Variants in CCDC171 observed in about 807,000 individuals in gnomAD.
The protein encoded by CCDC171 is coiled-coil domain-containing protein 171.
CCDC171 carries 177 observed loss-of-function variants against 168.2 expected under a neutral mutation model. The observed-to-expected ratio is 1.05, with a 90% CI of 0.93 to 1.19. The LOEUF (loss-of-function observed/expected upper bound fraction) is 1.19, where lower values mean the gene tolerates loss of function less well. Among genes scored for constraint, CCDC171 ranks in the 50% most tolerant of loss-of-function variants. The pLI, the probability that CCDC171 is intolerant of heterozygous loss-of-function variation, is 0.00. For synonymous variants in CCDC171, 687 were observed against 540.8 expected, an observed-to-expected ratio of 1.27 and a Z score of -3.75; for missense variants, 1,991 against 1,539.0, an observed-to-expected ratio of 1.29 and a Z score of -4.91.
At chr9:15,924,438 G>C (rs1825675933) in intron 25 of CCDC171, among the ~76,000 whole-genome samples, 1 of 96,588 alleles carries the variant, frequency 1.0e-5, no homozygotes, top group Non-Finnish European at 2.0e-5. Context: ...CTCACACTTA[G>C]TCAAAAAAAA....
At chr9:16,053,423 G>A (rs1376131724) in intron 1 of CCDC171, among the ~76,000 whole-genome samples, 2 of 152,220 alleles carry the variant, frequency 1.3e-5, no homozygotes, top group Non-Finnish European at 2.9e-5. Context: ...GGCAAGTAAG[G>A]GCTCACATGT....
intron 21 of CCDC171, among the ~76,000 whole-genome samples, chr9:15,837,410 T>A (rs2136320984): frequency 6.6e-6 from 1 of 152,346 alleles, no homozygotes; most frequent in Non-Finnish European, 1.5e-5. Context: ...TACTATTTAC[T>A]GAGTATGTAT....
chr9:15,592,640 G>A (rs904779075), intron 5 of CCDC171, among the ~76,000 whole-genome samples: 1 of 152,134 alleles, frequency 6.6e-6, no homozygotes, highest in Non-Finnish European at 1.5e-5. Flanking sequence ...CCATTAGTGT[G>A]TGAATGGGGG....
intron 25 of CCDC171, among the ~76,000 whole-genome samples, chr9:15,960,442 T>A (rs890335073): frequency 5.9e-5 from 9 of 152,196 alleles, no homozygotes; most frequent in Non-Finnish European, 1.3e-4. Context: ...TCTTTATGCA[T>A]TATGCAAGCA....
At chr9:15,841,324 T>C (rs1427315740) in intron 21 of CCDC171, among the ~76,000 whole-genome samples, 1 of 152,054 alleles carries the variant, frequency 6.6e-6, no homozygotes, top group Non-Finnish European at 1.5e-5. Context: ...TTGTCATATA[T>C]AGGTGGAGAT....
intron 6 of CCDC171, among the ~76,000 whole-genome samples, chr9:15,597,149 C>T (rs1301994936): frequency 1.3e-5 from 2 of 151,906 alleles, no homozygotes; most frequent in Non-Finnish European, 2.9e-5. Flanking sequence ...CCTTCTCCTG[C>T]CCGATTGCCC....
chr9:15,649,306 G>C (rs201198099), intron 7 of CCDC171, among the ~76,000 whole-genome samples: 16 of 152,148 alleles, frequency 1.1e-4, no homozygotes, highest in East Asian at 1.9e-4. Flanking sequence ...TAGAAGAAAA[G>C]CTAGGCAATA....
At chr9:15,578,171 T>C (rs2040822866) in intron 3 of CCDC171, among the ~76,000 whole-genome samples, 1 of 152,032 alleles carries the variant, frequency 6.6e-6, no homozygotes. Context: ...GAATGAATTT[T>C]TAAGTGCTTA....
intron 24 of CCDC171, among the ~76,000 whole-genome samples, chr9:15,906,395 G>A (rs934188624): frequency 1.3e-5 from 2 of 152,074 alleles, no homozygotes; most frequent in African/African-American, 4.8e-5. Flanking sequence ...ACGTAATCCA[G>A]CATATAAAAG....
chr9:16,098,492 A>G, the CCDC171 span, among the ~76,000 whole-genome samples: 3 of 152,098 alleles, frequency 2.0e-5, no homozygotes, highest in Non-Finnish European at 2.9e-5. Context: ...TTTGGTCCAC[A>G]CTCTTGAGTG....
chr9:15,948,053 C>G (rs1828642375), intron 25 of CCDC171, among the ~76,000 whole-genome samples: 1 of 150,694 alleles, frequency 6.6e-6, no homozygotes, highest in African/African-American at 2.4e-5. Flanking sequence ...TCAATTCCCA[C>G]CTATGAGTGA....
intron 7 of CCDC171, among the ~76,000 whole-genome samples, chr9:15,639,006 C>A (rs1206579402): frequency 1.3e-5 from 2 of 151,990 alleles, no homozygotes; most frequent in East Asian, 3.8e-4. Flanking sequence ...AGAGAACAGT[C>A]TTTGCAAATA....
At chr9:15,750,247 C>A (rs1022651106) in intron 18 of CCDC171, among the ~76,000 whole-genome samples, 4 of 152,210 alleles carry the variant, frequency 2.6e-5, no homozygotes, top group South Asian at 2.1e-4. Flanking sequence ...TGGACACATA[C>A]ACCCTCCCAA....
chr9:15,985,223 C>A (rs60418791), intron 3 of CCDC171, among the ~76,000 whole-genome samples: 2,723 of 152,206 alleles, frequency 0.018, 98 homozygotes, highest in African/African-American at 0.063. Context: ...AATAACCTTA[C>A]TTGAGTAATA....
In CCDC171 at chr9:16,050,353, G is replaced by T. The variant is rs552999432; in HGVS notation, n.89+7467G>T. On this transcript the variant is annotated intron_variant and non_coding_transcript_variant, in intron 1 of 1. Transcript: ENST00000478913. Reference sequence around the variant, plus strand: ...CAATCGCCAAGCAATAATCCAGTTTGTGAATGGACAGCATATACTTTCAAA... The same window carrying T: ...CAATCGCCAAGCAATAATCCAGTTTTTGAATGGACAGCATATACTTTCAAA... Among the ~76,000 whole-genome samples, 6 of 152,360 alleles carry T rather than the reference G, an allele frequency of 3.9e-5. No homozygotes were observed. The South Asian group carries it at 1.2e-3, about 32-fold the overall frequency.
chr9:15,598,336 C>G (rs2042548276), intron 6 of CCDC171, among the ~76,000 whole-genome samples: 1 of 152,016 alleles, frequency 6.6e-6, no homozygotes, highest in African/African-American at 2.4e-5. Context: ...CCCAGAGATT[C>G]TGGTATGTTG....
intron 24 of CCDC171, among the ~76,000 whole-genome samples, chr9:15,904,339 T>C (rs1283875346): frequency 1.3e-5 from 2 of 152,150 alleles, no homozygotes. Flanking sequence ...CGGCAGAAAC[T>C]CTACAAGCCA....
chr9:15,985,603 G>A (rs1321037516), intron 3 of CCDC171, among the ~76,000 whole-genome samples: 1 of 152,168 alleles, frequency 6.6e-6, no homozygotes, highest in Non-Finnish European at 1.5e-5. Context: ...AGGCAGCAAT[G>A]GAATGGCAGA....
At position 15,853,885 on chromosome 9, in the gene CCDC171, G is replaced by C. The variant is rs148145314; in HGVS notation, c.3468+4938G>C. Among the ~76,000 whole-genome samples the C allele has an allele frequency of 5.9e-4, 89 of 151,518 alleles. 1 individual carries two copies. In the East Asian group the frequency reaches 0.015, roughly 26 times the overall value. On this transcript the variant is annotated intron_variant, in intron 23 of 25. Coordinates refer to ENST00000380701, the MANE Select transcript of CCDC171 (RefSeq NM_173550.4). ...TGTGCCTCGCCTCCTTCATCCTACT[G>C]ATGTTTTGTACTACCTAACATGATT...
Sources: gnomAD v4.1 joint callset for allele counts (sites outside exome capture counted in the v4.1 genomes callset) on GRCh38, gnomAD v4.1.1 for gene constraint, MANE v1.5 for transcripts, NCBI Gene and HGNC (gene_info 2026-07-23, HGNC 2026-07-21) for gene names.